The following PCNX3 variants were observed in gnomAD, a reference collection of about 807,000 sequenced individuals.
The protein encoded by PCNX3 is pecanex-like protein 3.
Under a neutral mutation model 207.2 loss-of-function variants are expected in PCNX3, and 58 were observed. That is an observed-to-expected ratio of 0.28 (90% confidence interval 0.23 to 0.35). The LOEUF is 0.35. Ranked by LOEUF, PCNX3 falls within the 10% of genes least tolerant of loss-of-function variation. The probability of loss-of-function intolerance (pLI) is 1.00; values close to 1 mark genes in which losing one functional copy is unlikely to be tolerated. For missense variants in PCNX3, 2,410 were observed against 2,774.4 expected, an observed-to-expected ratio of 0.87 and a Z score of 2.95; for synonymous variants, 1,337 against 1,183.5, an observed-to-expected ratio of 1.13 and a Z score of -2.66.
At position 65,635,843 on chromosome 11, in the gene PCNX3, A is replaced by G. The variant is rs569451741; in HGVS notation, c.5459+40A>G. The G allele has an allele frequency of 3.8e-6, 6 of 1,573,468 alleles. No individual in the cohort carries two copies. In the African/African-American group the frequency reaches 6.7e-5, roughly 18 times the overall value. On this transcript the variant is annotated intron_variant, in intron 32 of 34. Coordinates refer to ENST00000355703, the MANE Select transcript of PCNX3 (RefSeq NM_032223.4). The surrounding 1 kb of genome is among the most constrained non-coding windows in gnomAD (Gnocchi z 9.9). ...AGGGGTGACGTGTGGCGCGGGAGGA[A>G]GCTGAGGTGCAGTACGTCCCTCCTG...
chr11:65,635,727 C>T lies in PCNX3; in HGVS notation c.5383C>T (p.Pro1795Ser). The T allele has an allele frequency of 6.2e-7, 1 of 1,606,456 alleles. No homozygotes were observed. The highest frequency in any genetic ancestry group is 1.7e-5 in the Admixed American group (1 of 58,948). ...PLTTSLAGSH[P>S]QLRALWGGPI... The stretch of plus-strand genomic sequence containing the variant: ...CACCACCTCGCTGGCTGGCAGCCAC[C>T]CCCAGCTACGGGCACTGTGGGGTGG... The change falls in exon 32 of 35, where the codon CCC becomes TCC. Residue 1795 changes from proline to serine, a missense_variant. Pro to Ser is a moderately conservative substitution (Grantham distance 74). Around this residue, in one of 8 missense-constraint regions of PCNX3, gnomAD observed 59 missense variants for 83.9 expected, o/e 0.70. Coordinates refer to ENST00000355703, the MANE Select transcript of PCNX3 (RefSeq NM_032223.4). This position sits in a 1 kb window ranked among gnomAD's most constrained non-coding sequence, Gnocchi z 9.9.
At position 65,616,360 on chromosome 11, in the gene PCNX3, C is replaced by A; in HGVS notation, c.49C>A (p.Leu17Ile). Residue 17 changes from leucine (L) to isoleucine (I), a missense_variant, in exon 1 of 35, where the codon CTC becomes ATC. By Grantham distance (5) the Leu-to-Ile change is conservative. Around this residue, in one of 8 missense-constraint regions of PCNX3, gnomAD observed 1,104 missense variants for 970.3 expected, o/e 1.14. Coordinates refer to ENST00000355703, the MANE Select transcript of PCNX3 (RefSeq NM_032223.4). The stretch of plus-strand genomic sequence containing the variant: ...CCTGCGCCAGGGGGTGTGGGCCTCG[C>A]TCACCGGCGGTTGGTTCTTCGACCC... Reference protein sequence around the residue: ...QILRQGVWASLTGGWFFDPHQ... With the variant: ...QILRQGVWASITGGWFFDPHQ... 1 of 1,609,074 alleles carries A rather than the reference C, an allele frequency of 6.2e-7. No homozygotes were observed. Among genetic ancestry groups the A allele is most frequent in the South Asian group, 1.1e-5 (1 of 90,758 alleles).
Position 65,628,810 on chromosome 11 carries a change from G to A in PCNX3, c.3812-9G>A, listed in dbSNP as rs774383426. 32 of 1,610,766 alleles carry A rather than the reference G, an allele frequency of 2.0e-5. No homozygotes were observed. The South Asian group carries it at 3.5e-4, about 18-fold the overall frequency. On this transcript the variant is annotated splice_polypyrimidine_tract_variant and intron_variant, in intron 23 of 34. Coordinates refer to ENST00000355703, the MANE Select transcript of PCNX3 (RefSeq NM_032223.4). ...CCTGTTGCCCGCCGCCTCCTTGACT[G>A]TGGCTCAGACTCGGCCATGCTGTTC...
intron 26 of PCNX3, 131 bp downstream of exon 26, chr11:65,629,866 C>A (rs985748321): frequency 3.7e-5 from 36 of 961,440 alleles, no homozygotes; most frequent in Non-Finnish European, 5.3e-5. Flanking sequence ...GGGCAAGGCA[C>A]TCCTCCTCCC....
intron 13 of PCNX3, 76 bp from the exon 14 acceptor site, chr11:65,624,119 G>C (rs1565161165): frequency 6.4e-7 from 1 of 1,564,852 alleles, no homozygotes; most frequent in Non-Finnish European, 8.6e-7. Context: ...GCCAGGCCTG[G>C]GGCCCTTGAG....
At chr11:65,617,157 G>A (rs1176908121) in intron 2 of PCNX3, 93 bp from the exon 3 acceptor site, 2 of 1,418,854 alleles carry the variant, frequency 1.4e-6, no homozygotes, top group African/African-American at 1.4e-5. Context: ...ATTGTAAAGT[G>A]ACTTCTGAAA....
rs374085432 is a variant in PCNX3 at position 65,622,338 on chromosome 11, C to T, written c.2329C>T (p.Arg777Trp). ...PGRWTSVRYE[R>W]LALLALLDRT... ...CCGCTGGACCTCTGTGCGCTATGAG[C>T]GGCTTGCCCTGCTGGCTCTGCTGGA... The change falls in exon 11 of 35, where the codon CGG (arginine) becomes TGG (tryptophan). Residue 777 changes from arginine (R) to tryptophan (W), a missense_variant. This residue lies in a region of PCNX3 where 177 missense variants were observed against 257.5 expected (regional missense o/e 0.69). Transcript: ENST00000355703. 1.3e-6 allele frequency: 2 copies of T among 1,594,276 alleles called. No individual in the cohort carries two copies. Among genetic ancestry groups the T allele is most frequent in the African/African-American group, 1.3e-5 (1 of 74,410 alleles).
At position 65,635,861 on chromosome 11, in the gene PCNX3, C is replaced by A; in HGVS notation, c.5459+58C>A. The stretch of plus-strand genomic sequence containing the variant: ...GGGAGGAAGCTGAGGTGCAGTACGT[C>A]CCTCCTGGGTCTCAGAGGGAGGACG... On this transcript the variant is annotated intron_variant, in intron 32 of 34. Transcript: ENST00000355703. The surrounding 1 kb of genome is among the most constrained non-coding windows in gnomAD (Gnocchi z 9.9). 6.5e-7 allele frequency: 1 copy of A among 1,536,404 alleles called. No individual in the cohort carries two copies. Among genetic ancestry groups the A allele is most frequent in the South Asian group, 1.2e-5 (1 of 80,008 alleles).
chr11:65,633,465 C>G (rs1357730937), intron 27 of PCNX3, among the ~76,000 whole-genome samples: 3 of 152,224 alleles, frequency 2.0e-5, no homozygotes, highest in East Asian at 1.9e-4. Context: ...GCCCCGAGAT[C>G]TGGATCCCAC....
chr11:65,629,233 C>A, intron 24 of PCNX3, 124 bp from the exon 25 acceptor site: 1 of 1,070,932 alleles, frequency 9.3e-7, no homozygotes, highest in Non-Finnish European at 1.4e-6. Context: ...TCAGTCTCCT[C>A]ATCTGCCTGC....
At position 65,616,558 on chromosome 11, in the gene PCNX3, A is replaced by C. The variant is rs1854739987; in HGVS notation, c.153+94A>C. Reference sequence around the variant, plus strand: ...GTGCCCTGGGCTCTGGGACGTGGAGAGAGAGGAATCACTGCAGAGTTTGGG... The same window carrying C: ...GTGCCCTGGGCTCTGGGACGTGGAGCGAGAGGAATCACTGCAGAGTTTGGG... On this transcript the variant is annotated intron_variant, in intron 1 of 34. Coordinates refer to ENST00000355703, the MANE Select transcript of PCNX3 (RefSeq NM_032223.4). The C allele has an allele frequency of 2.9e-6, 4 of 1,392,512 alleles. No individual in the cohort carries two copies. The African/African-American group carries it at 5.8e-5, about 20-fold the overall frequency. 86.3% of individuals were successfully genotyped at this position (1,392,512 alleles called of 1,614,324 possible).
At position 65,628,579 on chromosome 11, in the gene PCNX3, C is replaced by T. The variant is rs1437333401; in HGVS notation, c.3703-16C>T. 1.2e-6 allele frequency: 2 copies of T among 1,611,226 alleles called. No homozygotes were observed. Among genetic ancestry groups the T allele is most frequent in the South Asian group, 1.1e-5 (1 of 91,034 alleles). Reference sequence around the variant, plus strand: ...ACCCTGCATGTCTTTTTTCTTCTCCCTGTTGGCCCTGCCAGCTGTGGGACT... The same window carrying T: ...ACCCTGCATGTCTTTTTTCTTCTCCTTGTTGGCCCTGCCAGCTGTGGGACT... On this transcript the variant is annotated splice_polypyrimidine_tract_variant and intron_variant, in intron 22 of 34. Coordinates refer to ENST00000355703, the MANE Select transcript of PCNX3 (RefSeq NM_032223.4).
chr11:65,617,997 C>T lies in PCNX3; in HGVS notation c.635C>T (p.Thr212Ile). Reference sequence around the variant, plus strand: ...GTCCCAGACCCCTCTCTTGCCAGTACAGACTCTTCAGAGCCTTCTCCCCTG... The same window carrying T: ...GTCCCAGACCCCTCTCTTGCCAGTATAGACTCTTCAGAGCCTTCTCCCCTG... Reference protein sequence around the residue: ...GAVPDPSLASTDSSEPSPLAG... With the variant: ...GAVPDPSLASIDSSEPSPLAG... Residue 212 changes from threonine (T) to isoleucine (I), a missense_variant, in exon 6 of 35, where the codon ACA becomes ATA. Thr to Ile is a moderately conservative substitution (Grantham distance 89). Coordinates refer to ENST00000355703, the MANE Select transcript of PCNX3 (RefSeq NM_032223.4). 1 of 1,611,184 alleles carries T rather than the reference C, an allele frequency of 6.2e-7. No individual in the cohort carries two copies. The highest frequency in any genetic ancestry group is 8.5e-7 in the Non-Finnish European group (1 of 1,179,196).
rs757119930 is a variant in PCNX3 at position 65,620,986 on chromosome 11, G to C, written c.2235+20G>C. 2.6e-6 allele frequency: 4 copies of C among 1,519,658 alleles called. No homozygotes were observed. In the South Asian group the frequency reaches 5.0e-5, roughly 19 times the overall value. 94.1% of individuals were successfully genotyped at this position (1,519,658 alleles called of 1,614,324 possible). A position where few individuals can be genotyped will look rare whatever the true frequency, so the allele number is the denominator to read the frequency against. ...CCGGAGGTGAGGAGCAGCCGGGGAA[G>C]GGCCGTGCCAGTGGGGCGTGACGGG... is the stretch of plus-strand genomic sequence containing the variant. On this transcript the variant is annotated intron_variant, in intron 10 of 34. Transcript: ENST00000355703.
Position 65,619,596 on chromosome 11 carries a change from C to T in PCNX3, c.1765C>T (p.Arg589Trp), listed in dbSNP as rs769509369. ...SSSVRRTQAI[R>W]RRHNAGSNPT... ...CAGTGTGAGGCGGACCCAGGCCATTCGGAGACGCCACAATGCAGGCAGCAA... is the reference window on the plus strand; with the variant it reads ...CAGTGTGAGGCGGACCCAGGCCATTTGGAGACGCCACAATGCAGGCAGCAA... Residue 589 changes from arginine to tryptophan, a missense_variant, in exon 7 of 35, where the codon CGG (arginine) becomes TGG (tryptophan). This residue lies in a region of PCNX3 where 1,104 missense variants were observed against 970.3 expected (regional missense o/e 1.14). Coordinates refer to ENST00000355703, the MANE Select transcript of PCNX3 (RefSeq NM_032223.4). 6.9e-5 allele frequency: 111 copies of T among 1,607,240 alleles called. No individual in the cohort carries two copies. Among genetic ancestry groups the T allele is most frequent in the Non-Finnish European group, 8.8e-5 (104 of 1,178,936 alleles).
chr11:65,632,617 C>G (rs1203049563), intron 27 of PCNX3, among the ~76,000 whole-genome samples: 2 of 138,208 alleles, frequency 1.4e-5, no homozygotes, highest in Non-Finnish European at 3.1e-5. Context: ...TGGTATTGCC[C>G]CCCGTCTTCA....
rs768706464 is a variant in PCNX3 at position 65,625,392 on chromosome 11, T to A, written c.3030-13T>A. The A allele has an allele frequency of 3.1e-6, 5 of 1,601,128 alleles. No individual in the cohort carries two copies. In the East Asian group the frequency reaches 8.9e-5, roughly 29 times the overall value. ...GGAGGGGCGGCCTCCTCCTGACTCTTCCTCACCCCCAGGTCTCTGATCCGG... is the reference window on the plus strand; with the variant it reads ...GGAGGGGCGGCCTCCTCCTGACTCTACCTCACCCCCAGGTCTCTGATCCGG... On this transcript the variant is annotated splice_polypyrimidine_tract_variant and intron_variant, in intron 17 of 34. Coordinates refer to ENST00000355703, the MANE Select transcript of PCNX3 (RefSeq NM_032223.4). This position sits in a 1 kb window ranked among gnomAD's most constrained non-coding sequence, Gnocchi z 5.6.
rs554643756 is a variant in PCNX3 at position 65,619,753 on chromosome 11, G to A, written c.1830-1G>A. On this transcript the variant is annotated splice_acceptor_variant, in intron 7 of 34. Coordinates refer to ENST00000355703, the MANE Select transcript of PCNX3 (RefSeq NM_032223.4). LOFTEE classifies it high-confidence loss of function. ...GCTGACCTGGGGCTGACCCTCTCCA[G>A]CAGCCTGCAGGAAGCTCAGCGGGGC... 7 of 1,565,682 alleles carry A rather than the reference G, an allele frequency of 4.5e-6. No individual in the cohort carries two copies. The South Asian group carries it at 8.1e-5, about 18-fold the overall frequency.
In PCNX3 at chr11:65,625,032, G is replaced by A. The variant is rs922724052; in HGVS notation, c.2919+16G>A. On this transcript the variant is annotated intron_variant, in intron 16 of 34. Coordinates refer to ENST00000355703, the MANE Select transcript of PCNX3 (RefSeq NM_032223.4). The surrounding 1 kb of genome is among the most constrained non-coding windows in gnomAD (Gnocchi z 5.6). ...GGCCATCAAGGTAGGGGTGGCTTGC[G>A]AGGTGGGGGCATGCTGCAGTGCGTA... 3.1e-6 allele frequency: 5 copies of A among 1,607,418 alleles called. No homozygotes were observed. Among genetic ancestry groups the A allele is most frequent in the South Asian group, 2.2e-5 (2 of 90,592 alleles).
Sources: gnomAD v4.1 joint callset for allele counts (sites outside exome capture counted in the v4.1 genomes callset) on GRCh38, gnomAD v4.1.1 for gene constraint, gnomAD v4.1.1 regional missense constraint, Gnocchi (gnomAD v3.1) non-coding constraint, MANE v1.5 for transcripts, NCBI Gene and HGNC (gene_info 2026-07-23, HGNC 2026-07-21) for gene names.